NEO1: variants seen among roughly 807,000 people sequenced by gnomAD.
The protein encoded by NEO1 is neogenin 1, also known as neogenin.
A neutral mutation model predicts 159.7 loss-of-function variants in NEO1; 63 were observed. That is an observed-to-expected ratio of 0.39 (90% confidence interval 0.32 to 0.49). The LOEUF (loss-of-function observed/expected upper bound fraction) is 0.49, where lower values mean the gene tolerates loss of function less well. Ranked by LOEUF, NEO1 falls within the 20% of genes least tolerant of loss-of-function variation. NEO1 has a pLI of 0.85. For synonymous variants in NEO1, 633 were observed against 662.0 expected, an observed-to-expected ratio of 0.96 and a Z score of 0.67; for missense variants, 1,615 against 1,831.0, an observed-to-expected ratio of 0.88 and a Z score of 2.15.
intron 7 of NEO1, among the ~76,000 whole-genome samples, chr15:73,192,087 C>A (rs1018299224): frequency 5.3e-5 from 8 of 151,824 alleles, no homozygotes; most frequent in African/African-American, 1.9e-4. Flanking sequence ...AATAATTATA[C>A]CTTTTATTGT....
intron 1 of NEO1, among the ~76,000 whole-genome samples, chr15:73,110,124 G>T (rs947128829): frequency 6.6e-6 from 1 of 152,134 alleles, no homozygotes; most frequent in South Asian, 2.1e-4. Context: ...AGTCTGAACC[G>T]CATAGTGATA....
At chr15:73,143,679 A>G (rs186871930) in intron 5 of NEO1, among the ~76,000 whole-genome samples, 1 of 152,214 alleles carries the variant, frequency 6.6e-6, no homozygotes, top group East Asian at 1.9e-4. Context: ...TTCCCCCTAA[A>G]TCTGGAATGG....
chr15:73,293,990 T>C (rs139930399), intron 26 of NEO1, among the ~76,000 whole-genome samples: 1 of 152,222 alleles, frequency 6.6e-6, no homozygotes, highest in Non-Finnish European at 1.5e-5. Flanking sequence ...TGGACCAAAG[T>C]GCAAACAACA....
intron 1 of NEO1, among the ~76,000 whole-genome samples, chr15:73,064,046 T>C (rs2068093767): frequency 6.6e-6 from 1 of 152,260 alleles, no homozygotes; most frequent in Non-Finnish European, 1.5e-5. Context: ...TGCCACTTTC[T>C]GAAGAATACT....
intron 1 of NEO1, among the ~76,000 whole-genome samples, chr15:73,064,419 T>TA (rs891967546): frequency 3.9e-5 from 6 of 152,192 alleles, no homozygotes; most frequent in Non-Finnish European, 5.9e-5. Flanking sequence ...TGTTTTAACT[T>TA]AAATGTGTGT....
intron 19 of NEO1, among the ~76,000 whole-genome samples, chr15:73,273,602 TAGG>T (rs1043424753): frequency 2.0e-5 from 3 of 152,174 alleles, no homozygotes; most frequent in Non-Finnish European, 4.4e-5. Context: ...CAGGAGTTCC[TAGG>T]AGATCACATC....
intron 7 of NEO1, among the ~76,000 whole-genome samples, chr15:73,231,294 C>A (rs1010896769): frequency 3.9e-5 from 6 of 152,042 alleles, no homozygotes; most frequent in Admixed American, 2.0e-4. Flanking sequence ...CCAGGATAGA[C>A]CACATGCTAG....
intron 16 of NEO1, among the ~76,000 whole-genome samples, chr15:73,267,780 G>T (rs1417294753): frequency 6.6e-6 from 1 of 151,998 alleles, no homozygotes; most frequent in African/African-American, 2.4e-5. Context: ...TCTTAATCCA[G>T]TCTATCATTA....
At chr15:73,058,895 AT>A (rs900886103) in intron 1 of NEO1, among the ~76,000 whole-genome samples, 1 of 152,166 alleles carries the variant, frequency 6.6e-6, no homozygotes, top group African/African-American at 2.4e-5. Flanking sequence ...AACACTGGTC[AT>A]TTCTGGTTTT....
intron 27 of NEO1, chr15:73,300,079 T>C (rs759523981): frequency 1.3e-5 from 2 of 152,212 alleles, no homozygotes; most frequent in Admixed American, 6.5e-5. Flanking sequence ...ATATCACACA[T>C]CGGTCATTTA....
At chr15:73,192,963 C>T (rs1053878109) in intron 7 of NEO1, among the ~76,000 whole-genome samples, 1 of 151,878 alleles carries the variant, frequency 6.6e-6, no homozygotes, top group Non-Finnish European at 1.5e-5. Context: ...TAAATCTATA[C>T]CTGGTGATTT....
chr15:73,112,028 C>G (rs1409717161), intron 1 of NEO1, among the ~76,000 whole-genome samples: 2 of 152,104 alleles, frequency 1.3e-5, no homozygotes, highest in African/African-American at 2.4e-5. Flanking sequence ...CCTCTACTCC[C>G]TTTCTCCTAT....
At chr15:73,065,041 AG>A (rs1336799620) in intron 1 of NEO1, among the ~76,000 whole-genome samples, 2 of 151,840 alleles carry the variant, frequency 1.3e-5, no homozygotes, top group Non-Finnish European at 2.9e-5. Flanking sequence ...CTATTCATTT[AG>A]TGTTTCCTAA....
At chr15:73,127,028 G>A (rs2030354510) in intron 4 of NEO1, among the ~76,000 whole-genome samples, 1 of 152,058 alleles carries the variant, frequency 6.6e-6, no homozygotes, top group South Asian at 2.1e-4. Flanking sequence ...TCAGGAGATC[G>A]AGACCATCCT....
At chr15:73,298,660 CT>C (rs1353871246) in intron 27 of NEO1, 49 bp downstream of exon 27, 1 of 1,602,296 alleles carries the variant, frequency 6.2e-7, no homozygotes, top group Admixed American at 1.7e-5. Context: ...TGGAGTGACC[CT>C]TTGGCTCAAG....
intron 7 of NEO1, among the ~76,000 whole-genome samples, chr15:73,220,881 G>A (rs910481521): frequency 2.6e-5 from 4 of 152,062 alleles, no homozygotes; most frequent in African/African-American, 2.4e-5. Flanking sequence ...ATTTCCTCCT[G>A]TAGCTTGGAG....
At chr15:73,174,317 A>C (rs1379230063) in intron 5 of NEO1, among the ~76,000 whole-genome samples, 2 of 152,184 alleles carry the variant, frequency 1.3e-5, no homozygotes, top group African/African-American at 4.8e-5. Context: ...GCTGGGGCAC[A>C]GGAAATCCCC....
chr15:73,157,294 C>G (rs1320203257), intron 5 of NEO1, among the ~76,000 whole-genome samples: 1 of 152,204 alleles, frequency 6.6e-6, no homozygotes, highest in East Asian at 1.9e-4. Context: ...CAAGCCCCAG[C>G]CCGAATTTCT....
At chr15:73,272,968 C>CAAA (rs56162211) in intron 19 of NEO1, among the ~76,000 whole-genome samples, 3 of 86,582 alleles carry the variant, frequency 3.5e-5, no homozygotes, top group African/African-American at 4.6e-5. Context: ...CCTGAAGCCA[C>CAAA]AAAAAAAAAA....
Sources: gnomAD v4.1 joint callset for allele counts (sites outside exome capture counted in the v4.1 genomes callset) on GRCh38, gnomAD v4.1.1 for gene constraint, MANE v1.5 for transcripts, NCBI Gene and HGNC (gene_info 2026-07-23, HGNC 2026-07-21) for gene names.